The following SPEF2 variants were observed in gnomAD, a reference collection of about 807,000 sequenced individuals.
The protein encoded by SPEF2 is sperm flagella and cilia-associated protein 2.
A neutral mutation model predicts 224.6 loss-of-function variants in SPEF2; 187 were observed. The observed-to-expected ratio is 0.83, with a 90% confidence interval of 0.74 to 0.94. SPEF2 has a LOEUF of 0.94. Among genes scored for constraint, SPEF2 ranks in the 40% least tolerant of loss-of-function variants. The probability of loss-of-function intolerance (pLI) is 0.00; values close to 1 mark genes in which losing one functional copy is unlikely to be tolerated. For synonymous variants in SPEF2, 715 were observed against 707.3 expected, an observed-to-expected ratio of 1.01 and a Z score of -0.17; for missense variants, 2,170 against 2,135.6, an observed-to-expected ratio of 1.02 and a Z score of -0.32.
chr5:35,619,534 G>A (rs1743189399), intron 1 of SPEF2, among the ~76,000 whole-genome samples: 1 of 151,960 alleles, frequency 6.6e-6, no homozygotes, highest in Non-Finnish European at 1.5e-5. Context: ...TACATTAGCC[G>A]GACGTCGTGG....
chr5:35,691,196 G>T lies in SPEF2; in HGVS notation c.1684G>T (p.Gly562Ter). The change falls in exon 11 of 37, where the codon GGA (glycine) becomes TGA (stop). Residue 562 changes from glycine (G) to a stop codon, truncating the protein, a stop_gained. Transcript: ENST00000356031. LOFTEE classifies it high-confidence loss of function. ...TGAATTACCTTCATTTGCTGTTAAA[G>T]GATGCTTATTGGGGAAAACATTAAG... ...TPELPSFAVK[G>*]CLLGKTLSGK... 1.2e-6 allele frequency: 2 copies of T among 1,614,016 alleles called. No homozygotes were observed. Among genetic ancestry groups the T allele is most frequent in the Non-Finnish European group, 1.7e-6 (2 of 1,179,954 alleles).
chr5:35,724,903 G>A (rs1331157154), intron 20 of SPEF2, among the ~76,000 whole-genome samples: 1 of 152,140 alleles, frequency 6.6e-6, no homozygotes, highest in Non-Finnish European at 1.5e-5. Context: ...TCTTGTTATT[G>A]ATTATAAAGG....
intron 9 of SPEF2, 57 bp downstream of exon 9, chr5:35,667,316 G>A: frequency 7.1e-7 from 1 of 1,409,514 alleles, no homozygotes; most frequent in Admixed American, 2.2e-5. Flanking sequence ...GGAAGGATAA[G>A]ATTGTAAAAT....
At position 35,714,680 on chromosome 5, in the gene SPEF2, T is replaced by A. The variant is rs199871949; in HGVS notation, c.2914+1794T>A. Among the ~76,000 whole-genome samples, 25 of 134,562 alleles carry A rather than the reference T, an allele frequency of 1.9e-4. No individual in the cohort carries two copies. In the East Asian group the frequency reaches 5.2e-3, roughly 28 times the overall value. The allele number at this position is 134,562 out of a possible 152,430, so 88.3% of individuals were successfully genotyped here. On this transcript the variant is annotated intron_variant, in intron 20 of 36. Transcript: ENST00000356031. ...AGGTTGGTTTGTCTTTTGGGTTTAT[T>A]TTTATTTATTTATTTATTTATTTAT...
chr5:35,797,090 G>C (rs939304146), intron 33 of SPEF2, among the ~76,000 whole-genome samples: 4 of 152,308 alleles, frequency 2.6e-5, no homozygotes, highest in African/African-American at 9.6e-5. Flanking sequence ...CAAGTGAAAA[G>C]TACTTTCATT....
chr5:35,747,669 C>G (rs1240450972), intron 23 of SPEF2, among the ~76,000 whole-genome samples: 1 of 152,098 alleles, frequency 6.6e-6, no homozygotes, highest in Admixed American at 6.6e-5. Context: ...AACACTGGAG[C>G]TCCCAAATTT....
chr5:35,720,879 T>C (rs1376978658), intron 20 of SPEF2, among the ~76,000 whole-genome samples: 1 of 152,214 alleles, frequency 6.6e-6, no homozygotes, highest in Non-Finnish European at 1.5e-5. Flanking sequence ...ATAATTTTGA[T>C]ACTGAAGTTT....
rs1249591349 is a variant in SPEF2 at position 35,751,036 on chromosome 5, C to CGT, written c.3331-2588_3331-2587insGT. Among the ~76,000 whole-genome samples, 17 of 26,616 alleles carry CGT rather than the reference C, an allele frequency of 6.4e-4. 2 individuals are homozygous for CGT. The highest frequency in any genetic ancestry group is 1.6e-3 in the South Asian group (1 of 616). 17.5% of individuals were successfully genotyped at this position (26,616 alleles called of 152,430 possible). ...ACGTATATATATACGTATATATATA[C>CGT]ACATATGTATATATATATACGTATA... On this transcript the variant is annotated intron_variant, in intron 23 of 36. Transcript: ENST00000356031.
In SPEF2 at chr5:35,667,126, A is replaced by G; in HGVS notation, c.1222A>G (p.Arg408Gly). The change falls in exon 9 of 37, where the codon AGA (arginine) becomes GGA (glycine). Residue 408 changes from arginine (R) to glycine (G), a missense_variant. Transcript: ENST00000356031. ...DFEEQFLKEKRFHDQIAVERA... is the reference protein window; with the variant it reads ...DFEEQFLKEKGFHDQIAVERA... ...TGAAGAACAATTCCTTAAAGAAAAG[A>G]GATTTCATGATCAGATTGCTGTGGA... 1 of 1,610,744 alleles carries G rather than the reference A, an allele frequency of 6.2e-7. No individual in the cohort carries two copies. Among genetic ancestry groups the G allele is most frequent in the East Asian group, 2.2e-5 (1 of 44,772 alleles).
At chr5:35,664,278 GAA>G (rs10674710) in intron 8 of SPEF2, among the ~76,000 whole-genome samples, 35 of 115,030 alleles carry the variant, frequency 3.0e-4, no homozygotes, top group African/African-American at 9.3e-4. Context: ...ATGAAATAAA[GAA>G]AAAAAAAAAA....
At chr5:35,808,609 G>A (rs927461803) in intron 36 of SPEF2, among the ~76,000 whole-genome samples, 13 of 151,888 alleles carry the variant, frequency 8.6e-5, no homozygotes, top group Admixed American at 6.6e-4. Context: ...ATAGTATTCC[G>A]TGGTGTATAT....
chr5:35,799,333 C>G (rs889176682), intron 33 of SPEF2, among the ~76,000 whole-genome samples: 4 of 152,218 alleles, frequency 2.6e-5, no homozygotes, highest in Admixed American at 6.5e-5. Context: ...CTCCCAGGCA[C>G]TAACTCCTCA....
chr5:35,658,173 C>T (rs770555841), intron 7 of SPEF2, among the ~76,000 whole-genome samples: 2 of 152,258 alleles, frequency 1.3e-5, no homozygotes, highest in Non-Finnish European at 2.9e-5. Context: ...GAAATAGGCC[C>T]GAGAAACTGA....
At chr5:35,784,873 G>C (rs972538785) in intron 30 of SPEF2, among the ~76,000 whole-genome samples, 1 of 152,094 alleles carries the variant, frequency 6.6e-6, no homozygotes, top group African/African-American at 2.4e-5. Context: ...GAGAGTGGCA[G>C]GCACTGTCAG....
chr5:35,711,104 A>T (rs561087859), intron 19 of SPEF2, among the ~76,000 whole-genome samples: 2 of 152,300 alleles, frequency 1.3e-5, no homozygotes, highest in African/African-American at 4.8e-5. Context: ...ATTTTCCAAA[A>T]TGGAACATTT....
At position 35,798,220 on chromosome 5, in the gene SPEF2, G is replaced by A. The variant is rs371105691; in HGVS notation, c.4831-1748G>A. Among the ~76,000 whole-genome samples the A allele has an allele frequency of 6.6e-5, 10 of 152,198 alleles. No individual in the cohort carries two copies. In the East Asian group the frequency reaches 7.7e-4, roughly 12 times the overall value. ...ACAGCATCCCCCGCTCAAAACTTCC[G>A]TGGCTCTGTGTTTTACTCAGAGGAA... On this transcript the variant is annotated intron_variant, in intron 33 of 36. Transcript: ENST00000356031.
chr5:35,725,750 A>G (rs182140014), intron 20 of SPEF2, among the ~76,000 whole-genome samples: 2 of 152,256 alleles, frequency 1.3e-5, no homozygotes, highest in East Asian at 1.9e-4. Flanking sequence ...TTGATTTTTA[A>G]AATCCAGTGT....
At chr5:35,717,798 C>G (rs951291057) in intron 20 of SPEF2, among the ~76,000 whole-genome samples, 1 of 152,146 alleles carries the variant, frequency 6.6e-6, no homozygotes, top group African/African-American at 2.4e-5. Flanking sequence ...CTCCAGGGAC[C>G]CCCTGCCACC....
chr5:35,771,010 A>G (rs563954430), intron 26 of SPEF2, among the ~76,000 whole-genome samples: 12 of 152,282 alleles, frequency 7.9e-5, no homozygotes, highest in African/African-American at 2.6e-4. Flanking sequence ...TCAACTGTCC[A>G]TGACCCAATT....
Sources: gnomAD v4.1 joint callset for allele counts (sites outside exome capture counted in the v4.1 genomes callset) on GRCh38, gnomAD v4.1.1 for gene constraint, MANE v1.5 for transcripts, NCBI Gene and HGNC (gene_info 2026-07-23, HGNC 2026-07-21) for gene names.